ABR: variants seen among roughly 807,000 people sequenced by gnomAD.
ABR encodes ABR activator of RhoGEF and GTPase.
ABR carries 35 observed loss-of-function variants against 107.2 expected under a neutral mutation model. That is an observed-to-expected ratio of 0.33 (90% confidence interval 0.25 to 0.43). ABR has a LOEUF of 0.43. ABR is among the 20% of genes least tolerant of loss of function. ABR has a pLI of 1.00. For synonymous variants in ABR, 498 were observed against 462.0 expected (o/e 1.08, Z -1.00); for missense variants, 815 against 1,115.2 (o/e 0.73, Z 3.83).
At position 1,071,810 on chromosome 17, in the gene ABR, C is replaced by T. The variant is rs996328153; in HGVS notation, c.894+804G>A. On this transcript the variant is annotated intron_variant, in intron 8 of 22. Transcript: ENST00000302538. This position sits in a 1 kb window ranked among gnomAD's most constrained non-coding sequence, Gnocchi z 5.1. ...CCCCGGCGTGGGCCTCCAGACAGTC[C>T]CAGGTGAGGAATCCAGCTCTGACAC... Among the ~76,000 whole-genome samples, 2 of 152,252 alleles carry T rather than the reference C, an allele frequency of 1.3e-5. No individual in the cohort carries two copies. The highest frequency in any genetic ancestry group is 2.4e-5 in the African/African-American group (1 of 41,474).
chr17:1,107,188 G>A (rs1056457822), intron 2 of ABR, among the ~76,000 whole-genome samples: 1 of 152,244 alleles, frequency 6.6e-6, no homozygotes, highest in Admixed American at 6.5e-5. Flanking sequence ...GTGCTCACGG[G>A]GACCCAGGAG....
chr17:1,199,697 C>T (rs559599703), intron 1 of ABR, among the ~76,000 whole-genome samples: 1 of 152,316 alleles, frequency 6.6e-6, no homozygotes, highest in South Asian at 2.1e-4. Context: ...AGGTGATCCA[C>T]CCACCTCAGC....
chr17:1,119,474 A>AT (rs1247018361), intron 2 of ABR, among the ~76,000 whole-genome samples: 1 of 86,736 alleles, frequency 1.2e-5, no homozygotes, highest in Admixed American at 1.1e-4. Context: ...TCCCAGCGTT[A>AT]TCCCTGAGCC....
chr17:1,013,420 C>G (rs1315079935), intron 16 of ABR, among the ~76,000 whole-genome samples: 1 of 149,424 alleles, frequency 6.7e-6, no homozygotes, highest in Non-Finnish European at 1.5e-5. Flanking sequence ...TGTTACCCGC[C>G]GTGGGGGAGG....
At chr17:1,012,578 G>GT (rs1567567294) in intron 18 of ABR, 110 bp downstream of exon 18, 1 of 803,924 alleles carries the variant, frequency 1.2e-6, no homozygotes, top group Admixed American at 2.0e-5. Context: ...CGAGCGGGGG[G>GT]TAACTGATTA....
At chr17:1,205,898 C>A (rs891074496) in intron 1 of ABR, among the ~76,000 whole-genome samples, 2 of 151,882 alleles carry the variant, frequency 1.3e-5, no homozygotes, top group Middle Eastern at 3.4e-3. Context: ...GCTGAGATTG[C>A]GCCACTGCAC....
chr17:1,128,261 G>C (rs142036326), intron 1 of ABR, among the ~76,000 whole-genome samples: 4 of 152,382 alleles, frequency 2.6e-5, no homozygotes, highest in Admixed American at 6.5e-5. Flanking sequence ...CAGGAACCCT[G>C]GGGGAGGAAG....
intron 11 of ABR, among the ~76,000 whole-genome samples, 188 bp from the exon 12 acceptor site, chr17:1,058,233 G>A (rs113383191): frequency 4.7e-4 from 66 of 140,468 alleles, no homozygotes; most frequent in African/African-American, 1.6e-3. Context: ...TCCACCTCCC[G>A]GGTTCACGCC....
At chr17:1,024,324 C>T (rs973681513) in intron 16 of ABR, among the ~76,000 whole-genome samples, 1 of 152,220 alleles carries the variant, frequency 6.6e-6, no homozygotes, top group Non-Finnish European at 1.5e-5. Context: ...CGTCTCCAGA[C>T]GCTCCCATCT....
At chr17:1,022,334 GCCCTC>G (rs1184868564) in intron 16 of ABR, 1 of 152,310 alleles carries the variant, frequency 6.6e-6, no homozygotes, top group East Asian at 1.9e-4. Flanking sequence ...GCTTTCCCCT[GCCCTC>G]CCCCAAGGGC....
intron 1 of ABR, among the ~76,000 whole-genome samples, chr17:1,194,735 C>G (rs9747221): frequency 0.013 from 1,644 of 124,288 alleles, 227 homozygotes; most frequent in African/African-American, 0.041. Context: ...CTCACTGCAA[C>G]CTCCACCTCC....
At chr17:1,219,798 T>G (rs1041189203) in intron 1 of ABR, among the ~76,000 whole-genome samples, 1 of 148,632 alleles carries the variant, frequency 6.7e-6, no homozygotes, top group Non-Finnish European at 1.5e-5. Flanking sequence ...GAGGAAAGAA[T>G]AACCCCACCA....
chr17:1,063,146 G>C (rs1291161155), intron 10 of ABR, among the ~76,000 whole-genome samples: 3 of 138,246 alleles, frequency 2.2e-5, no homozygotes, highest in Non-Finnish European at 1.6e-5. Flanking sequence ...TATGTGAACT[G>C]AGGGCTATGC....
intron 16 of ABR, among the ~76,000 whole-genome samples, chr17:1,014,044 T>C (rs1033163692): frequency 2.6e-5 from 4 of 152,268 alleles, no homozygotes; most frequent in Admixed American, 6.5e-5. Flanking sequence ...TCCAAAATCA[T>C]GTCAATATTG....
chr17:1,091,017 C>T (rs760810179), intron 4 of ABR, among the ~76,000 whole-genome samples: 8 of 152,166 alleles, frequency 5.3e-5, no homozygotes, highest in African/African-American at 1.2e-4. Flanking sequence ...TTTCCCAACA[C>T]GAGGTCTGCA....
At chr17:1,220,904 C>T (rs761394879) in intron 1 of ABR, among the ~76,000 whole-genome samples, 1 of 152,172 alleles carries the variant, frequency 6.6e-6, no homozygotes, top group Non-Finnish European at 1.5e-5. Flanking sequence ...CGACGGTCCC[C>T]GCTTTCCAGG....
chr17:1,148,995 G>A lies in ABR; in HGVS notation c.62-23628C>T, dbSNP rs375382188. Among the ~76,000 whole-genome samples the A allele has an allele frequency of 2.0e-5, 3 of 150,592 alleles. No homozygotes were observed. The highest frequency in any genetic ancestry group is 4.9e-5 in the African/African-American group (2 of 40,648). ...CGGCTCACTGCAAGCTCCGCCTCCT[G>A]GGTTCACGCCATTCTCCTGCCTCAG... On this transcript the variant is annotated intron_variant, in intron 1 of 22. Coordinates refer to ENST00000302538, the MANE Select transcript of ABR (RefSeq NM_021962.5). The surrounding 1 kb of genome is among the most constrained non-coding windows in gnomAD (Gnocchi z 4.9).
intron 6 of ABR, among the ~76,000 whole-genome samples, chr17:1,074,823 G>A (rs1017890384): frequency 1.3e-5 from 2 of 152,202 alleles, no homozygotes; most frequent in African/African-American, 4.8e-5. Flanking sequence ...GCACATGCCT[G>A]TAATCCCAGC....
In ABR at chr17:1,029,072, G is replaced by A. The variant is rs532473302; in HGVS notation, c.1792-15908C>T. Among the ~76,000 whole-genome samples the A allele has an allele frequency of 1.5e-4, 22 of 150,796 alleles. No homozygotes were observed. The East Asian group carries it at 1.6e-3, about 11-fold the overall frequency. ...AGGATGGGAGGGAGAGGAAGGCACC[G>A]GGCCTGGTCTACTTGAGTGTGATTT... On this transcript the variant is annotated intron_variant, in intron 16 of 22. Coordinates refer to ENST00000302538, the MANE Select transcript of ABR (RefSeq NM_021962.5).
Sources: allele counts gnomAD v4.1 joint callset (sites outside exome capture counted in the v4.1 genomes callset), GRCh38; gene constraint gnomAD v4.1.1; non-coding constraint Gnocchi (gnomAD v3.1); transcripts MANE v1.5; gene names NCBI Gene and HGNC (gene_info 2026-07-23, HGNC 2026-07-21).